HTATIP2: variants seen among roughly 807,000 people sequenced by gnomAD.
HTATIP2 encodes the protein protein HTATIP2.
Under a neutral mutation model 24.7 loss-of-function variants are expected in HTATIP2, and 26 were observed. The observed-to-expected ratio is 1.05, with a 90% CI of 0.77 to 1.46. The LOEUF (loss-of-function observed/expected upper bound fraction) is 1.46. HTATIP2 is among the 40% of genes most tolerant of loss of function. The pLI, the probability that HTATIP2 is intolerant of heterozygous loss-of-function variation, is 0.00. For missense variants in HTATIP2, 284 were observed against 289.6 expected (o/e 0.98, Z 0.14); for synonymous variants, 99 against 113.2 (o/e 0.87, Z 0.79).
chr11:20,364,815 A>G (rs546220233), intron 1 of HTATIP2, among the ~76,000 whole-genome samples: 15 of 152,210 alleles, frequency 9.9e-5, no homozygotes, highest in Non-Finnish European at 2.2e-4. Context: ...GATTTTGTCA[A>G]CCTGCGCACT....
chr11:20,378,400 C>A (rs1227476364), intron 3 of HTATIP2, among the ~76,000 whole-genome samples: 3 of 152,044 alleles, frequency 2.0e-5, no homozygotes, highest in African/African-American at 7.2e-5. Flanking sequence ...GATTCCTGGG[C>A]TCAAACAATC....
rs2064682267 is a variant in HTATIP2, at chr11:20,365,039, A to G, written c.195+607A>G. 2.7e-5 allele frequency among the ~76,000 whole-genome samples: 4 copies of G among 146,208 alleles called. No homozygotes were observed. The South Asian group carries it at 8.6e-4, about 31-fold the overall frequency. On this transcript the variant is annotated intron_variant, in intron 1 of 4. Transcript: ENST00000451739. The stretch of plus-strand genomic sequence containing the variant: ...CACTCTGTCCCCCAGGCTGGAGTGC[A>G]GTGGCACGATCTCGGCTCAGTGCAA...
At chr11:20,367,775 C>T in intron 2 of HTATIP2, 1 of 517,570 alleles carries the variant, frequency 1.9e-6, no homozygotes, top group Non-Finnish European at 2.5e-6. Flanking sequence ...ACTCAGCCTT[C>T]AGCGATGATT....
At chr11:20,370,928 C>T (rs1470735539) in intron 2 of HTATIP2, among the ~76,000 whole-genome samples, 1 of 152,118 alleles carries the variant, frequency 6.6e-6, no homozygotes, top group Non-Finnish European at 1.5e-5. Context: ...GGATTACAGG[C>T]GTGAGCCACC....
intron 1 of HTATIP2, among the ~76,000 whole-genome samples, chr11:20,365,840 G>A (rs879384122): frequency 1.3e-5 from 2 of 151,708 alleles, no homozygotes; most frequent in African/African-American, 2.4e-5. Context: ...GCGTGGTGGT[G>A]CACGCCTGTA....
Position 20,364,151 on chromosome 11 carries a change from C to T in HTATIP2, c.-87C>T. ...CGGAGAACAATATCCTCCTCCCTAA[C>T]AGATAAACAGCCCTTGTTCCTCGGG... is the stretch of plus-strand genomic sequence containing the variant. On this transcript the variant is annotated 5_prime_UTR_variant, in exon 1 of 5. Transcript: ENST00000451739. 4.0e-6 allele frequency: 6 copies of T among 1,498,988 alleles called. No individual in the cohort carries two copies. The highest frequency in any genetic ancestry group is 5.3e-6 in the Non-Finnish European group (6 of 1,122,020). The allele number at this position is 1,498,988 out of a possible 1,614,324, so 92.9% of individuals were successfully genotyped here. A position where few individuals can be genotyped will look rare whatever the true frequency, so the allele number is the denominator to read the frequency against.
intron 2 of HTATIP2, among the ~76,000 whole-genome samples, chr11:20,375,587 G>T (rs1425957370): frequency 6.6e-6 from 1 of 152,080 alleles, no homozygotes; most frequent in East Asian, 1.9e-4. Flanking sequence ...AATCACTGGG[G>T]CAGTAGTCCA....
intron 2 of HTATIP2, among the ~76,000 whole-genome samples, chr11:20,369,918 C>T (rs2064753857): frequency 1.3e-5 from 2 of 152,312 alleles, no homozygotes; most frequent in Admixed American, 1.3e-4. Flanking sequence ...TAGCTTTCCT[C>T]AGCTGTTTGG....
At chr11:20,368,199 T>C (rs539081551) in intron 2 of HTATIP2, among the ~76,000 whole-genome samples, 1 of 151,616 alleles carries the variant, frequency 6.6e-6, no homozygotes, top group Non-Finnish European at 1.5e-5. Flanking sequence ...AGAAAAAATA[T>C]ATATATATAT....
At chr11:20,374,917 T>C (rs1434096087) in intron 2 of HTATIP2, among the ~76,000 whole-genome samples, 1 of 152,214 alleles carries the variant, frequency 6.6e-6, no homozygotes, top group Admixed American at 6.5e-5. Context: ...CCCCTTGTCA[T>C]GTAACATGAC....
intron 2 of HTATIP2, among the ~76,000 whole-genome samples, chr11:20,371,623 C>T (rs2064773312): frequency 6.6e-6 from 1 of 151,790 alleles, no homozygotes; most frequent in Non-Finnish European, 1.5e-5. Flanking sequence ...TTTGTAGAGA[C>T]AGGGTTTTGC....
chr11:20,364,156 A>T lies in HTATIP2; in HGVS notation c.-82A>T. The T allele has an allele frequency of 3.3e-6, 5 of 1,503,714 alleles. No homozygotes were observed. Among genetic ancestry groups the T allele is most frequent in the Admixed American group, 2.2e-5 (1 of 45,158 alleles). 93.1% of individuals were successfully genotyped at this position (1,503,714 alleles called of 1,614,324 possible). ...AACAATATCCTCCTCCCTAACAGAT[A>T]AACAGCCCTTGTTCCTCGGGATAAG... On this transcript the variant is annotated 5_prime_UTR_variant, in exon 1 of 5. The change creates a premature stop within an existing upstream ORF in the 5' untranslated region. Coordinates refer to ENST00000451739, the MANE Select transcript of HTATIP2 (RefSeq NM_001098522.2).
chr11:20,375,301 G>C (rs900220713), intron 2 of HTATIP2, among the ~76,000 whole-genome samples: 8 of 152,162 alleles, frequency 5.3e-5, no homozygotes, highest in African/African-American at 1.4e-4. Flanking sequence ...GCCGGGCGCG[G>C]TGGCTCACAC....
At chr11:20,364,988 T>TG (rs1333745391) in intron 1 of HTATIP2, among the ~76,000 whole-genome samples, 3 of 151,430 alleles carry the variant, frequency 2.0e-5, no homozygotes, top group Non-Finnish European at 2.9e-5. Flanking sequence ...AAAGGTTTTT[T>TG]TTTTTTTTTT....
intron 4 of HTATIP2, 116 bp downstream of exon 4, chr11:20,382,355 C>T: frequency 3.1e-6 from 2 of 649,154 alleles, no homozygotes; most frequent in Non-Finnish European, 5.4e-6. Context: ...AAGACATTGG[C>T]TAGAGGTAGA....
intron 2 of HTATIP2, among the ~76,000 whole-genome samples, chr11:20,369,535 A>C (rs1279781986): frequency 6.6e-6 from 1 of 152,182 alleles, no homozygotes; most frequent in Non-Finnish European, 1.5e-5. Context: ...GGAGGCTAGA[A>C]GTCTGAGATC....
intron 1 of HTATIP2, 66 bp from the exon 2 acceptor site, chr11:20,367,108 C>T: frequency 6.4e-7 from 1 of 1,573,592 alleles, no homozygotes; most frequent in Non-Finnish European, 8.7e-7. Context: ...GTCTTTAAAT[C>T]TAGAGGGGGT....
In HTATIP2 at chr11:20,376,628, C is replaced by G; in HGVS notation, c.352C>G (p.Leu118Val). 6.2e-7 allele frequency: 1 copy of G among 1,613,998 alleles called. No homozygotes were observed. The highest frequency in any genetic ancestry group is 8.5e-7 in the Non-Finnish European group (1 of 1,179,910). ...AGATTATGTGCTGAAGTCTGCAGAG[C>G]TGGCAAAAGCTGGAGGGTGCAAACA... is the stretch of plus-strand genomic sequence containing the variant. Reference protein sequence around the residue: ...DRDYVLKSAELAKAGGCKHFN... With the variant: ...DRDYVLKSAEVAKAGGCKHFN... Residue 118 changes from leucine to valine, a missense_variant, in exon 3 of 5, where the codon CTG becomes GTG. Coordinates refer to ENST00000451739, the MANE Select transcript of HTATIP2 (RefSeq NM_001098522.2).
intron 2 of HTATIP2, among the ~76,000 whole-genome samples, chr11:20,369,700 GACC>G (rs1156686776): frequency 6.6e-6 from 1 of 152,038 alleles, no homozygotes. Context: ...CTTTTTATAA[GACC>G]ACTAGTCATA....
Sources: gnomAD v4.1 joint callset for allele counts (sites outside exome capture counted in the v4.1 genomes callset) on GRCh38, gnomAD v4.1.1 for gene constraint, MANE v1.5 for transcripts, NCBI Gene and HGNC (gene_info 2026-07-23, HGNC 2026-07-21) for gene names.